The following NKX1-1 variants were observed in gnomAD, a reference collection of about 807,000 sequenced individuals.
The protein encoded by NKX1-1 is NK1 homeobox 1.
A neutral mutation model predicts 1.7 loss-of-function variants in NKX1-1; 7 were observed. The ratio of observed to expected loss-of-function variants is 4.22; its 90% confidence interval spans 2.40 to 7.92. NKX1-1 has a LOEUF of 7.92. NKX1-1 is among the 30% of genes most tolerant of loss of function. The pLI is 0.00. For synonymous variants in NKX1-1, 242 were observed against 85.3 expected, an observed-to-expected ratio of 2.84 and a Z score of -10.13; for missense variants, 453 against 171.5, an observed-to-expected ratio of 2.64 and a Z score of -9.17.
At chr4:1,404,276 C>A (rs1206639708) in intron 1 of NKX1-1, among the ~76,000 whole-genome samples, 1 of 152,276 alleles carries the variant, frequency 6.6e-6, no homozygotes, top group Non-Finnish European at 1.5e-5. Flanking sequence ...ATATTACCCC[C>A]CAATTACCGC....
rs538163433 is a variant in NKX1-1 at position 1,405,062 on chromosome 4, C to G, written c.463+918G>C. On this transcript the variant is annotated intron_variant, in intron 1 of 1. Coordinates refer to ENST00000422806, the MANE Select transcript of NKX1-1 (RefSeq NM_001290079.1). ...AGGTGGAGGCTCTGAGCGCAGCCGC[C>G]GCAGAGTCCGTAGGGTCCCCTCCAC... 3.9e-5 allele frequency among the ~76,000 whole-genome samples: 6 copies of G among 152,366 alleles called. No individual in the cohort carries two copies. In the South Asian group the frequency reaches 1.2e-3, roughly 32 times the overall value.
intron 1 of NKX1-1, among the ~76,000 whole-genome samples, chr4:1,404,346 C>G (rs1720715959): frequency 6.6e-6 from 1 of 152,222 alleles, no homozygotes; most frequent in South Asian, 2.1e-4. Flanking sequence ...GGGGCCGGAG[C>G]CGGCCGAGAG....
intron 1 of NKX1-1, 101 bp downstream of exon 1, chr4:1,405,879 G>A (rs1448810915): frequency 1.8e-5 from 7 of 399,818 alleles, no homozygotes; most frequent in Non-Finnish European, 3.1e-5. Context: ...GAGCCTCGGC[G>A]TGGGCCAGAC....
intron 1 of NKX1-1, among the ~76,000 whole-genome samples, chr4:1,404,793 C>T (rs1479298295): frequency 6.6e-6 from 1 of 152,196 alleles, no homozygotes; most frequent in African/African-American, 2.4e-5. Flanking sequence ...CCGAAATCTC[C>T]GGTAAGAAAT....
Position 1,403,063 on chromosome 4 carries a change from G to A in NKX1-1, c.1216C>T (p.Pro406Ser). The A allele has an allele frequency of 2.0e-6, 1 of 508,348 alleles. No individual in the cohort carries two copies. The highest frequency in any genetic ancestry group is 4.1e-5 in the Admixed American group (1 of 24,522). The allele number at this position is 508,348 out of a possible 1,614,324, so 31.5% of individuals were successfully genotyped here. A position where few individuals can be genotyped will look rare whatever the true frequency, so the allele number is the denominator to read the frequency against. The change falls in exon 2 of 2, where the codon CCG becomes TCG. Residue 406 changes from proline to serine, a missense_variant. By Grantham distance (74) the Pro-to-Ser change is moderately conservative. Transcript: ENST00000422806. ...PLGMHGPAGY[P>S]AHGPGGLVCA... ...ACCAGGCCTCCGGGGCCGTGCGCCG[G>A]GTACCCGGCCGGGCCGTGCATGCCG... is the stretch of plus-strand genomic sequence containing the variant.
rs1253722009 is a variant in NKX1-1 at position 1,403,708 on chromosome 4, G to A, written c.571C>T (p.Pro191Ser). ...TCCTCGTCGTCGTCCTCGTCGTCGG[G>A]AACCTCGTCCCCGCTGTCCGCGCTC... is the stretch of plus-strand genomic sequence containing the variant. ...SPSADSGDEV[P>S]DDEDDDEDEA... is the part of the protein sequence containing the mutation. Residue 191 changes from proline to serine, a missense_variant, in exon 2 of 2, where the codon CCC becomes TCC. Physicochemically the swap from Pro to Ser is moderately conservative, Grantham distance 74. Coordinates refer to ENST00000422806, the MANE Select transcript of NKX1-1 (RefSeq NM_001290079.1). 1.5e-6 allele frequency: 1 copy of A among 688,080 alleles called. No homozygotes were observed. The highest frequency in any genetic ancestry group is 2.6e-6 in the Non-Finnish European group (1 of 382,208). 42.6% of individuals were successfully genotyped at this position (688,080 alleles called of 1,614,324 possible). A position where few individuals can be genotyped will look rare whatever the true frequency, so the allele number is the denominator to read the frequency against.
rs1720722398 is a variant in NKX1-1 at position 1,404,811 on chromosome 4, C to A, written c.464-996G>T. ...AAATCTCCGGTAAGAAATGACCAAT[C>A]GCTCCTGTCAGATTCCTCCAGGGCG... On this transcript the variant is annotated intron_variant, in intron 1 of 1. Transcript: ENST00000422806. Among the ~76,000 whole-genome samples, 3 of 152,328 alleles carry A rather than the reference C, an allele frequency of 2.0e-5. No individual in the cohort carries two copies. In the South Asian group the frequency reaches 6.2e-4, roughly 32 times the overall value.
intron 1 of NKX1-1, among the ~76,000 whole-genome samples, chr4:1,404,203 CTTAA>C (rs1157195076): frequency 1.3e-5 from 2 of 152,254 alleles, no homozygotes; most frequent in South Asian, 4.1e-4. Flanking sequence ...CTGATACACA[CTTAA>C]TTAAACTCAT....
chr4:1,404,985 C>G (rs993770506), intron 1 of NKX1-1, among the ~76,000 whole-genome samples: 2 of 152,216 alleles, frequency 1.3e-5, no homozygotes, highest in Non-Finnish European at 1.5e-5. Flanking sequence ...AGTATGCGCG[C>G]GCCTTCCCGG....
chr4:1,405,234 A>G (rs1312073188), intron 1 of NKX1-1, among the ~76,000 whole-genome samples: 1 of 152,204 alleles, frequency 6.6e-6, no homozygotes. Context: ...GTAGGGCCGG[A>G]AAGTTGGAGG....
At chr4:1,405,597 A>G (rs1577018650) in intron 1 of NKX1-1, among the ~76,000 whole-genome samples, 2 of 118,738 alleles carry the variant, frequency 1.7e-5, no homozygotes, top group Non-Finnish European at 1.7e-5. Flanking sequence ...GGGAGAAAGG[A>G]GGGAGGGAGG....
Position 1,403,742 on chromosome 4 carries a change from G to A in NKX1-1, c.537C>T (p.Gly179=). 1.5e-6 allele frequency: 1 copy of A among 680,414 alleles called. No individual in the cohort carries two copies. The highest frequency in any genetic ancestry group is 1.5e-5 in the South Asian group (1 of 65,852). 42.1% of individuals were successfully genotyped at this position (680,414 alleles called of 1,614,324 possible). A position where few individuals can be genotyped will look rare whatever the true frequency, so the allele number is the denominator to read the frequency against. The change falls in exon 2 of 2, where the codon GGC becomes GGT. Residue 179 remains glycine (G), a synonymous_variant. Coordinates refer to ENST00000422806, the MANE Select transcript of NKX1-1 (RefSeq NM_001290079.1). ...DTNGYSSGGG[G]HSPSADSGDE... ...CCCCGCTGTCCGCGCTCGGGCTGTG[G>A]CCGCCGCCGCCGCTGCTGTAGCCGT...
Position 1,403,474 on chromosome 4 carries a change from C to G in NKX1-1, c.805G>C (p.Ala269Pro). 1.7e-6 allele frequency: 1 copy of G among 572,118 alleles called. No individual in the cohort carries two copies. 35.4% of individuals were successfully genotyped at this position (572,118 alleles called of 1,614,324 possible). A position where few individuals can be genotyped will look rare whatever the true frequency, so the allele number is the denominator to read the frequency against. ...PPGGAAAPGG[A>P]GTTPQGTATA... ...GCCGTGCCCTGCGGGGTGGTCCCCG[C>G]GCCCCCCGGCGCCGCTGCACCTCCC... Residue 269 changes from alanine (A) to proline (P), a missense_variant, in exon 2 of 2, where the codon GCG (alanine) becomes CCG (proline). Transcript: ENST00000422806.
chr4:1,403,394 CT>C lies in NKX1-1; in HGVS notation c.884del (p.Lys295SerfsTer46). ...TGAAGGCGGTGCGCGCTCGCCGCGG[CT>C]TCCCGGACTTGGAGTCGGACCCCGT... is the stretch of plus-strand genomic sequence containing the variant. ...KRTGSDSKSG[K>X]PRRARTAFTY... On this transcript the variant is annotated frameshift_variant, in exon 2 of 2. Coordinates refer to ENST00000422806, the MANE Select transcript of NKX1-1 (RefSeq NM_001290079.1). LOFTEE classifies it low-confidence loss of function (END_TRUNC). 1 of 680,060 alleles carries C rather than the reference CT, an allele frequency of 1.5e-6. No homozygotes were observed. Among genetic ancestry groups the C allele is most frequent in the Non-Finnish European group, 2.6e-6 (1 of 379,974 alleles). The allele number at this position is 680,060 out of a possible 1,614,324, so 42.1% of individuals were successfully genotyped here.
At chr4:1,405,674 C>G (rs572631826) in intron 1 of NKX1-1, among the ~76,000 whole-genome samples, 2 of 152,232 alleles carry the variant, frequency 1.3e-5, no homozygotes, top group African/African-American at 4.8e-5. Context: ...GGCCCCTCGC[C>G]TCCTGCACCA....
At chr4:1,404,986 G>C (rs898044564) in intron 1 of NKX1-1, among the ~76,000 whole-genome samples, 7 of 152,238 alleles carry the variant, frequency 4.6e-5, no homozygotes, top group Non-Finnish European at 7.3e-5. Flanking sequence ...GTATGCGCGC[G>C]CCTTCCCGGC....
At chr4:1,403,882 C>CCG (rs2109344416) in intron 1 of NKX1-1, 67 bp from the exon 2 acceptor site, 1 of 527,976 alleles carries the variant, frequency 1.9e-6, no homozygotes, top group South Asian at 2.4e-5. Flanking sequence ...ATCCCGCCCT[C>CCG]CGCGCGCCCC....
Position 1,403,274 on chromosome 4 carries a change from G to T in NKX1-1, c.1005C>A (p.Leu335=). The T allele has an allele frequency of 1.4e-6, 1 of 734,608 alleles. No individual in the cohort carries two copies. The highest frequency in any genetic ancestry group is 2.7e-5 in the East Asian group (1 of 36,888). The allele number at this position is 734,608 out of a possible 1,614,324, so 45.5% of individuals were successfully genotyped here. A position where few individuals can be genotyped will look rare whatever the true frequency, so the allele number is the denominator to read the frequency against. ...ERLNLALSLS[L]TETQVKIWFQ... Reference sequence around the variant, plus strand: ...ACCAGATCTTCACCTGCGTCTCGGTGAGGCTGAGCGACAGCGCCAGGTTGA... The same window carrying T: ...ACCAGATCTTCACCTGCGTCTCGGTTAGGCTGAGCGACAGCGCCAGGTTGA... The change falls in exon 2 of 2, where the codon CTC becomes CTA. Residue 335 remains leucine, a synonymous_variant. Transcript: ENST00000422806.
chr4:1,404,327 C>T (rs2109344635), intron 1 of NKX1-1, among the ~76,000 whole-genome samples: 1 of 152,392 alleles, frequency 6.6e-6, no homozygotes, highest in African/African-American at 2.4e-5. Flanking sequence ...TAATAACAGG[C>T]CCGGCGGTGG....
Sources: gnomAD v4.1 joint callset for allele counts (sites outside exome capture counted in the v4.1 genomes callset) on GRCh38, gnomAD v4.1.1 for gene constraint, MANE v1.5 for transcripts, NCBI Gene and HGNC (gene_info 2026-07-23, HGNC 2026-07-21) for gene names.